The following SUMO2 variants were observed in gnomAD, a reference collection of about 807,000 sequenced individuals.
The protein encoded by SUMO2 is small ubiquitin like modifier 2.
Under a neutral mutation model 16.0 loss-of-function variants are expected in SUMO2, and 1 was observed. That is an observed-to-expected ratio of 0.06 (90% CI 0.02 to 0.30). The LOEUF is 0.30. SUMO2 is among the 10% of genes least tolerant of loss of function. SUMO2 has a pLI of 1.00. For synonymous variants in SUMO2, 36 were observed against 40.6 expected (o/e 0.89, Z 0.43); for missense variants, 16 against 117.5 (o/e 0.14, Z 3.99).
At chr17:75,176,888 T>C (rs1305323721) in intron 2 of SUMO2, among the ~76,000 whole-genome samples, 2 of 151,916 alleles carry the variant, frequency 1.3e-5, no homozygotes, top group African/African-American at 4.8e-5. Context: ...AACCATCATC[T>C]ACTTAAAAAC....
intron 3 of SUMO2, among the ~76,000 whole-genome samples, chr17:75,174,377 T>A (rs890898201): frequency 1.3e-5 from 2 of 151,248 alleles, no homozygotes; most frequent in African/African-American, 4.9e-5. Context: ...GGCGATGGAG[T>A]GAGATTCCGT....
At chr17:75,172,229 T>C (rs1297430673) in intron 3 of SUMO2, among the ~76,000 whole-genome samples, 1 of 151,812 alleles carries the variant, frequency 6.6e-6, no homozygotes, top group Non-Finnish European at 1.5e-5. Context: ...TTTCGCCATG[T>C]TGGCCAGGCT....
At chr17:75,169,467 TC>T (rs1200390177) in intron 3 of SUMO2, among the ~76,000 whole-genome samples, 10 of 150,622 alleles carry the variant, frequency 6.6e-5, no homozygotes, top group Non-Finnish European at 1.0e-4. Context: ...CACTGCAAGC[TC>T]CGCCTCCTGG....
chr17:75,172,114 C>T (rs565769593), intron 3 of SUMO2, among the ~76,000 whole-genome samples: 3 of 151,700 alleles, frequency 2.0e-5, no homozygotes, highest in African/African-American at 4.8e-5. Flanking sequence ...CACCTTTCCC[C>T]CGCCCAGATT....
intron 3 of SUMO2, among the ~76,000 whole-genome samples, chr17:75,172,486 AATTTT>A (rs2074749078): frequency 7.0e-6 from 1 of 143,270 alleles, no homozygotes; most frequent in African/African-American, 2.8e-5. Flanking sequence ...TGCCTGGCTA[AATTTT>A]TTTTTTTTTT....
chr17:75,182,036 C>G (rs1222075401), intron 1 of SUMO2, among the ~76,000 whole-genome samples: 1 of 152,110 alleles, frequency 6.6e-6, no homozygotes, highest in Admixed American at 6.6e-5. Context: ...TGGGTGTCCC[C>G]AAGTCCTCCC....
In SUMO2 at chr17:75,170,569, A is replaced by AAAAAAC. The variant is rs920146303; in HGVS notation, c.226-2174_226-2169dup. ...TGGCAACAGAGCAAGACTCTGTCTC[A>AAAAAAC]AAAAACAAAAACAAAAACAAAAAAC... On this transcript the variant is annotated intron_variant, in intron 3 of 3. Coordinates refer to ENST00000420826, the MANE Select transcript of SUMO2 (RefSeq NM_006937.4). 2.0e-5 allele frequency among the ~76,000 whole-genome samples: 3 copies of AAAAAAC among 150,404 alleles called. No homozygotes were observed. In the Admixed American group the frequency reaches 2.0e-4, roughly 10 times the overall value.
In SUMO2 at chr17:75,182,862, C is replaced by T. The variant is rs111427495; in HGVS notation, c.-28G>A. 8.9e-3 allele frequency: 12,295 copies of T among 1,389,238 alleles called. 873 individuals carry two copies. The African/African-American group carries it at 0.15, about 17-fold the overall frequency. The allele number at this position is 1,389,238 out of a possible 1,614,324, so 86.1% of individuals were successfully genotyped here. A position where few individuals can be genotyped will look rare whatever the true frequency, so the allele number is the denominator to read the frequency against. On this transcript the variant is annotated 5_prime_UTR_variant, in exon 1 of 4. Transcript: ENST00000420826. ...CGAGCGCCGGAGTCTCCTCAGCTGC[C>T]GCTTCACAAAAGAGGTACCAGGTCC...
At chr17:75,171,749 AGATAATCCC>A (rs1431156437) in intron 3 of SUMO2, among the ~76,000 whole-genome samples, 1 of 152,144 alleles carries the variant, frequency 6.6e-6, no homozygotes, top group Non-Finnish European at 1.5e-5. Flanking sequence ...CTACTATAGC[AGATAATCCC>A]GTTTTAGTGG....
chr17:75,174,736 GGAGA>G lies in SUMO2; in HGVS notation c.225+12_225+15del, dbSNP rs372438494. 3.1e-4 allele frequency: 491 copies of G among 1,609,698 alleles called. 2 individuals carry two copies. The African/African-American group carries it at 5.8e-3, about 19-fold the overall frequency. ...TTACAAATGGTAATTTTTCTAATTA[GGAGA>G]GATTTTTTTACCTGTGCAGGTGTGT... On this transcript the variant is annotated intron_variant, in intron 3 of 3. Coordinates refer to ENST00000420826, the MANE Select transcript of SUMO2 (RefSeq NM_006937.4).
rs2074709856 is a variant in SUMO2, at chr17:75,168,406, C to T, written c.226-5G>A. ...ATCTTCATCCTCCATTTCCAACTAG[C>T]ATAAAAGAAAAAACAAATGTAAAAG... On this transcript the variant is annotated splice_region_variant and splice_polypyrimidine_tract_variant and intron_variant, in intron 3 of 3. Coordinates refer to ENST00000420826, the MANE Select transcript of SUMO2 (RefSeq NM_006937.4). 1.2e-6 allele frequency: 2 copies of T among 1,603,134 alleles called. No homozygotes were observed. The highest frequency in any genetic ancestry group is 4.5e-5 in the East Asian group (2 of 44,548).
rs749017403 is a variant in SUMO2, at chr17:75,168,311, T to C, written c.*28A>G. 4.5e-6 allele frequency: 7 copies of C among 1,541,980 alleles called. No individual in the cohort carries two copies. Among genetic ancestry groups the C allele is most frequent in the Non-Finnish European group, 6.2e-6 (7 of 1,136,692 alleles). On this transcript the variant is annotated 3_prime_UTR_variant, in exon 4 of 4. Transcript: ENST00000420826. ...TAATCTTGGTCTTTAAAGAACAGAG[T>C]TCTGGAGTAAAGAAGCAGGTTCCCT...
Position 75,168,284 on chromosome 17 carries a change from T to G in SUMO2, c.*55A>C. ...CAAATTGCAGTTTTCTAATTGAGAA[T>G]GTAATCTTGGTCTTTAAAGAACAGA... On this transcript the variant is annotated 3_prime_UTR_variant, in exon 4 of 4. Transcript: ENST00000420826. The G allele has an allele frequency of 7.4e-7, 1 of 1,353,062 alleles. No individual in the cohort carries two copies. The highest frequency in any genetic ancestry group is 1.0e-6 in the Non-Finnish European group (1 of 988,168). 83.8% of individuals were successfully genotyped at this position (1,353,062 alleles called of 1,614,324 possible).
intron 3 of SUMO2, among the ~76,000 whole-genome samples, chr17:75,171,745 T>G (rs574120861): frequency 6.6e-6 from 1 of 152,198 alleles, no homozygotes; most frequent in East Asian, 1.9e-4. Flanking sequence ...GTAACTACTA[T>G]AGCAGATAAT....
chr17:75,178,549 C>G (rs2074802460), intron 2 of SUMO2, among the ~76,000 whole-genome samples: 1 of 151,544 alleles, frequency 6.6e-6, no homozygotes, highest in South Asian at 2.1e-4. Flanking sequence ...TGTTCAAAAC[C>G]ACCAAACTGA....
chr17:75,181,793 T>C (rs1160138513), intron 1 of SUMO2, among the ~76,000 whole-genome samples: 5 of 152,148 alleles, frequency 3.3e-5, no homozygotes, highest in African/African-American at 1.2e-4. Flanking sequence ...ATTAGCAGCT[T>C]CATTTTTATT....
intron 2 of SUMO2, 114 bp from the exon 3 acceptor site, chr17:75,174,937 T>G (rs774247346): frequency 1.2e-5 from 11 of 897,866 alleles, no homozygotes; most frequent in Non-Finnish European, 1.9e-5. Flanking sequence ...AAATAAACAA[T>G]TGCCAACATG....
rs1236296069 is a variant in SUMO2 at position 75,180,972 on chromosome 17, T to A, written c.153+85A>T. 5.3e-6 allele frequency: 8 copies of A among 1,518,518 alleles called. No homozygotes were observed. The Admixed American group carries it at 1.4e-4, about 27-fold the overall frequency. The allele number at this position is 1,518,518 out of a possible 1,614,324, so 94.1% of individuals were successfully genotyped here. Reference sequence around the variant, plus strand: ...TCATCCCATCAAAAAGTCACTGTAATGTGCTAGTCTAGTTTTTGTTCCCAT... The same window carrying A: ...TCATCCCATCAAAAAGTCACTGTAAAGTGCTAGTCTAGTTTTTGTTCCCAT... On this transcript the variant is annotated intron_variant, in intron 2 of 3. Coordinates refer to ENST00000420826, the MANE Select transcript of SUMO2 (RefSeq NM_006937.4).
chr17:75,181,626 A>G (rs1488780151), intron 1 of SUMO2, among the ~76,000 whole-genome samples: 1 of 152,150 alleles, frequency 6.6e-6, no homozygotes, highest in Non-Finnish European at 1.5e-5. Flanking sequence ...AAAACTCATT[A>G]CCGTTGTCAT....
Sources: allele counts gnomAD v4.1 joint callset (sites outside exome capture counted in the v4.1 genomes callset), GRCh38; gene constraint gnomAD v4.1.1; transcripts MANE v1.5; gene names NCBI Gene and HGNC (gene_info 2026-07-23, HGNC 2026-07-21).